Variants in APBB2 observed in about 807,000 individuals in gnomAD.
The protein encoded by APBB2 is amyloid beta precursor protein binding family B member 2.
Under a neutral mutation model 82.5 loss-of-function variants are expected in APBB2, and 38 were observed. The ratio of observed to expected loss-of-function variants is 0.46; its 90% CI spans 0.36 to 0.60. The LOEUF is 0.60. Among genes scored for constraint, APBB2 ranks in the 20% least tolerant of loss-of-function variants. The pLI is 0.00. For missense variants in APBB2, 772 were observed against 972.3 expected, an observed-to-expected ratio of 0.79 and a Z score of 2.74; for synonymous variants, 341 against 368.2, an observed-to-expected ratio of 0.93 and a Z score of 0.85.
intron 12 of APBB2, among the ~76,000 whole-genome samples, chr4:40,875,605 T>A (rs1373337517): frequency 2.0e-5 from 3 of 152,202 alleles, no homozygotes; most frequent in African/African-American, 7.2e-5. Context: ...TGGCATGTAT[T>A]TTACACTTTA....
intron 1 of APBB2, among the ~76,000 whole-genome samples, chr4:41,181,224 T>C (rs1326069678): frequency 1.3e-5 from 2 of 152,146 alleles, no homozygotes; most frequent in African/African-American, 4.8e-5. Flanking sequence ...CACCAAGCCA[T>C]TGTGGGGAGT....
intron 10 of APBB2, among the ~76,000 whole-genome samples, chr4:40,907,807 C>T (rs913364142): frequency 1.3e-5 from 2 of 151,076 alleles, no homozygotes; most frequent in African/African-American, 2.4e-5. Flanking sequence ...TACAAGTGTG[C>T]ACCACCATGC....
chr4:41,079,724 T>A (rs1298342413), intron 3 of APBB2, among the ~76,000 whole-genome samples: 1 of 152,172 alleles, frequency 6.6e-6, no homozygotes, highest in Non-Finnish European at 1.5e-5. Flanking sequence ...AATTTTTGTA[T>A]TCTTAGTAGA....
At chr4:40,989,836 C>T (rs954866326) in intron 6 of APBB2, among the ~76,000 whole-genome samples, 4 of 152,184 alleles carry the variant, frequency 2.6e-5, no homozygotes, top group Admixed American at 2.6e-4. Flanking sequence ...ACCAGACTTC[C>T]TAATCCAATG....
chr4:41,085,848 T>C (rs1329973968), intron 3 of APBB2, among the ~76,000 whole-genome samples: 1 of 151,948 alleles, frequency 6.6e-6, no homozygotes, highest in African/African-American at 2.4e-5. Context: ...ATTTGTATAA[T>C]AATAAGTTAT....
chr4:41,109,271 T>TA (rs1748320675), intron 2 of APBB2, among the ~76,000 whole-genome samples: 1 of 148,504 alleles, frequency 6.7e-6, no homozygotes, highest in East Asian at 2.1e-4. Flanking sequence ...CTCTCTACAC[T>TA]AAAAAAAGAA....
chr4:41,167,700 T>C (rs1031388868), intron 1 of APBB2, among the ~76,000 whole-genome samples: 2 of 152,178 alleles, frequency 1.3e-5, no homozygotes, highest in African/African-American at 2.4e-5. Context: ...CTAATGGTGA[T>C]AGGTTCAAAA....
intron 6 of APBB2, among the ~76,000 whole-genome samples, chr4:40,973,674 C>G (rs190066324): frequency 1.5e-3 from 221 of 152,234 alleles, no homozygotes; most frequent in Non-Finnish European, 2.7e-3. Flanking sequence ...GGGCCATGCT[C>G]CCCTGCAAAA....
Position 40,997,706 on chromosome 4 carries a change from G to T in APBB2, c.835+15877C>A, listed in dbSNP as rs529827453. On this transcript the variant is annotated intron_variant, in intron 6 of 17. Coordinates refer to ENST00000508593, the MANE Select transcript of APBB2 (RefSeq NM_004307.2). The stretch of plus-strand genomic sequence containing the variant: ...ACTGTGTTGACATTTAAGTGATAGG[G>T]CACAAAAAATAAATGATAACATTGC... Among the ~76,000 whole-genome samples the T allele has an allele frequency of 2.0e-5, 3 of 152,200 alleles. No homozygotes were observed. In the East Asian group the frequency reaches 5.8e-4, roughly 29 times the overall value.
intron 10 of APBB2, among the ~76,000 whole-genome samples, chr4:40,909,455 G>A (rs1237973231): frequency 6.6e-6 from 1 of 152,158 alleles, no homozygotes; most frequent in African/African-American, 2.4e-5. Flanking sequence ...CTAACAGCCA[G>A]GATTCTTGAC....
chr4:40,987,951 T>C (rs1332604754), intron 6 of APBB2, among the ~76,000 whole-genome samples: 3 of 152,192 alleles, frequency 2.0e-5, no homozygotes, highest in African/African-American at 7.2e-5. Flanking sequence ...AATGAGATTT[T>C]TATATTCAAA....
At chr4:41,205,240 G>T (rs918695153) in intron 1 of APBB2, among the ~76,000 whole-genome samples, 2 of 152,138 alleles carry the variant, frequency 1.3e-5, no homozygotes, top group Non-Finnish European at 2.9e-5. Context: ...GAAGTAGTAG[G>T]CACCCAACTT....
At chr4:41,053,898 G>C (rs138540092) in intron 4 of APBB2, among the ~76,000 whole-genome samples, 2 of 152,292 alleles carry the variant, frequency 1.3e-5, no homozygotes, top group African/African-American at 2.4e-5. Flanking sequence ...ACAAGATAAA[G>C]GTCATACTGA....
At chr4:40,982,399 AG>A (rs377031498) in intron 6 of APBB2, among the ~76,000 whole-genome samples, 13,465 of 37,810 alleles carry the variant, frequency 0.36, 4,630 homozygotes, top group South Asian at 0.48. Context: ...AGGAAAGGAA[AG>A]GAAAGAAAGA....
chr4:40,867,283 C>G (rs1159266374), intron 12 of APBB2, among the ~76,000 whole-genome samples: 1 of 152,146 alleles, frequency 6.6e-6, no homozygotes, highest in Non-Finnish European at 1.5e-5. Context: ...TTTAGTCATT[C>G]TATTAATATA....
intron 5 of APBB2, among the ~76,000 whole-genome samples, chr4:41,022,472 C>G (rs1712030206): frequency 6.6e-6 from 1 of 152,160 alleles, no homozygotes; most frequent in African/African-American, 2.4e-5. Context: ...TCTCAGTACC[C>G]TTCCTTCCCT....
At chr4:40,858,458 A>G (rs1400532186) in intron 12 of APBB2, among the ~76,000 whole-genome samples, 21 of 145,888 alleles carry the variant, frequency 1.4e-4, no homozygotes, top group Non-Finnish European at 2.9e-4. Flanking sequence ...CCGTCTCAAA[A>G]AAAAAAAAAA....
intron 6 of APBB2, among the ~76,000 whole-genome samples, chr4:40,948,241 C>T (rs893804742): frequency 2.0e-4 from 31 of 152,150 alleles, no homozygotes; most frequent in African/African-American, 7.5e-4. Context: ...CATCATAATT[C>T]ATTTTGTTTA....
At chr4:41,194,879 T>C in intron 1 of APBB2, among the ~76,000 whole-genome samples, 1 of 152,180 alleles carries the variant, frequency 6.6e-6, no homozygotes, top group African/African-American at 2.4e-5. Flanking sequence ...ATTTACGTAA[T>C]ATTGGATCAC....
Sources: gnomAD v4.1 joint callset for allele counts (sites outside exome capture counted in the v4.1 genomes callset) on GRCh38, gnomAD v4.1.1 for gene constraint, MANE v1.5 for transcripts, NCBI Gene and HGNC (gene_info 2026-07-23, HGNC 2026-07-21) for gene names.